ELFN2: variants seen among roughly 807,000 people sequenced by gnomAD.
ELFN2 encodes the protein extracellular leucine rich repeat and fibronectin type III domain containing 2.
In ELFN2, 17 loss-of-function variants were observed where a neutral mutation model predicts 45.5. That is an observed-to-expected ratio of 0.37 (90% CI 0.26 to 0.56). The LOEUF (loss-of-function observed/expected upper bound fraction) is 0.56. ELFN2 is among the 20% of genes least tolerant of loss of function. The pLI, the probability that ELFN2 is intolerant of heterozygous loss-of-function variation, is 0.77. For synonymous variants in ELFN2, 550 were observed against 551.5 expected, an observed-to-expected ratio of 1.00 and a Z score of 0.04; for missense variants, 922 against 1,183.2, an observed-to-expected ratio of 0.78 and a Z score of 3.24.
Position 37,375,624 on chromosome 22 carries a change from C to CGCCACCATCTTGGGGGCG in ELFN2, c.-108_-91dup. ...CTGGCAGTACAGTCCTCCCTGGGGCCGCCACCATCTTGGGGGCGACCCCCA... is the reference window on the plus strand; with the variant it reads ...CTGGCAGTACAGTCCTCCCTGGGGCCGCCACCATCTTGGGGGCGGCCACCATCTTGGGGGCGACCCCCA... On this transcript the variant is annotated 5_prime_UTR_variant, in exon 3 of 3. In the 5' UTR this introduces an upstream ATG that the reference lacks. Coordinates refer to ENST00000402918, the MANE Select transcript of ELFN2 (RefSeq NM_052906.5). 2 of 1,424,306 alleles carry CGCCACCATCTTGGGGGCG rather than the reference C, an allele frequency of 1.4e-6. No homozygotes were observed. The highest frequency in any genetic ancestry group is 1.9e-6 in the Non-Finnish European group (2 of 1,076,734). 88.2% of individuals were successfully genotyped at this position (1,424,306 alleles called of 1,614,324 possible).
intron 2 of ELFN2, among the ~76,000 whole-genome samples, chr22:37,387,984 T>C (rs547475340): frequency 1.3e-5 from 2 of 151,678 alleles, no homozygotes; most frequent in Admixed American, 1.3e-4. Flanking sequence ...CTCTCCCAGT[T>C]CCCAGACACA....
intron 1 of ELFN2, among the ~76,000 whole-genome samples, chr22:37,423,528 G>A (rs1932826056): frequency 1.3e-5 from 2 of 152,164 alleles, no homozygotes; most frequent in Admixed American, 1.3e-4. Context: ...GGACTGGTCT[G>A]TAACCTCTCT....
intron 2 of ELFN2, among the ~76,000 whole-genome samples, chr22:37,382,969 G>A (rs929188689): frequency 1.3e-5 from 2 of 152,138 alleles, no homozygotes; most frequent in African/African-American, 2.4e-5. Flanking sequence ...CACTAGGGAC[G>A]AGGCCAGTAC....
intron 2 of ELFN2, among the ~76,000 whole-genome samples, chr22:37,414,457 T>C (rs1461270059): frequency 2.0e-5 from 3 of 152,204 alleles, no homozygotes; most frequent in Admixed American, 2.0e-4. Flanking sequence ...GGAAAATGCC[T>C]GGCACATAGC....
intron 2 of ELFN2, among the ~76,000 whole-genome samples, chr22:37,377,433 C>CCT (rs1931611679): frequency 6.6e-6 from 1 of 152,224 alleles, no homozygotes; most frequent in Non-Finnish European, 1.5e-5. Flanking sequence ...GCCACCTCTG[C>CCT]CTCTCTCTCC....
chr22:37,421,593 C>T (rs1932809339), intron 1 of ELFN2, among the ~76,000 whole-genome samples: 1 of 152,200 alleles, frequency 6.6e-6, no homozygotes, highest in Admixed American at 6.5e-5. Context: ...TGAGCTCTGC[C>T]AGGCAGGGGC....
intron 1 of ELFN2, among the ~76,000 whole-genome samples, chr22:37,426,239 C>T (rs989925311): frequency 2.0e-5 from 3 of 152,214 alleles, no homozygotes; most frequent in Non-Finnish European, 4.4e-5. Flanking sequence ...GCTGAGTGCA[C>T]GGTCAGCACC....
chr22:37,350,866 C>A (rs1293379527), intron 1 of ELFN2, among the ~76,000 whole-genome samples: 1 of 150,150 alleles, frequency 6.7e-6, no homozygotes, highest in Non-Finnish European at 1.5e-5. Flanking sequence ...CTCGGAGGGG[C>A]CCTCCCCTCT....
At chr22:37,405,043 C>T (rs1180513805) in intron 2 of ELFN2, among the ~76,000 whole-genome samples, 4 of 151,514 alleles carry the variant, frequency 2.6e-5, no homozygotes, top group African/African-American at 9.7e-5. Flanking sequence ...CCCCTACTTA[C>T]CAACTGTGGA....
At chr22:37,352,201 T>A (rs1353831533) in intron 1 of ELFN2, 1 of 151,120 alleles carries the variant, frequency 6.6e-6, no homozygotes, top group African/African-American at 2.4e-5. Context: ...TTTCTTTCGT[T>A]ATTATTAATT....
chr22:37,395,233 G>A (rs907555656), intron 2 of ELFN2, among the ~76,000 whole-genome samples: 3 of 152,208 alleles, frequency 2.0e-5, no homozygotes, highest in African/African-American at 7.2e-5. Context: ...GGTAAGTGGT[G>A]AGGCTGGGAT....
At chr22:37,411,799 C>T (rs1023409386) in intron 2 of ELFN2, among the ~76,000 whole-genome samples, 5 of 152,146 alleles carry the variant, frequency 3.3e-5, no homozygotes, top group African/African-American at 1.2e-4. Context: ...TTCACTCCAT[C>T]CCCTCCAGGA....
intron 1 of ELFN2, among the ~76,000 whole-genome samples, chr22:37,359,725 C>A (rs1489133106): frequency 6.6e-6 from 1 of 152,186 alleles, no homozygotes; most frequent in African/African-American, 2.4e-5. Context: ...GCAGGGCAGA[C>A]GAGCCCCAGA....
At chr22:37,361,761 A>T (rs1696124789) in intron 1 of ELFN2, among the ~76,000 whole-genome samples, 1 of 152,182 alleles carries the variant, frequency 6.6e-6, no homozygotes, top group Admixed American at 6.5e-5. Flanking sequence ...CTGTTAGAAT[A>T]TCCTCCTGCC....
At chr22:37,402,147 AG>A (rs1932379526) in intron 2 of ELFN2, among the ~76,000 whole-genome samples, 1 of 152,238 alleles carries the variant, frequency 6.6e-6, no homozygotes, top group African/African-American at 2.4e-5. Flanking sequence ...GGATCAGAGG[AG>A]ATAATCCAAG....
chr22:37,373,647 T>C lies in ELFN2; in HGVS notation c.1888A>G (p.Ser630Gly), dbSNP rs765016780. 7.5e-6 allele frequency: 12 copies of C among 1,591,286 alleles called. No homozygotes were observed. The highest frequency in any genetic ancestry group is 1.0e-5 in the Non-Finnish European group (12 of 1,169,528). The change falls in exon 3 of 3, where the codon AGC (serine) becomes GGC (glycine). Residue 630 changes from serine (S) to glycine (G), a missense_variant. Ser to Gly is a moderately conservative substitution (Grantham distance 56). Coordinates refer to ENST00000402918, the MANE Select transcript of ELFN2 (RefSeq NM_052906.5). ...ADAAVTRKTC[S>G]VSSSGSIKSA... is the part of the protein sequence containing the mutation. The stretch of plus-strand genomic sequence containing the variant: ...TTGATGGAACCACTGGACGACACGC[T>C]GCAGGTCTTGCGGGTCACGGCCGCG...
Position 37,374,748 on chromosome 22 carries a change from T to G in ELFN2, c.787A>C (p.Thr263Pro), listed in dbSNP as rs775970688. ...TCGTCTGGCTCCCTCTGGGCGTCGG[T>G]GGAGTAGGGCGTGGGGTGGCTCACG... ...RPVSHPTPYSTDAQREPDENS... is the reference protein window; with the variant it reads ...RPVSHPTPYSPDAQREPDENS... The change falls in exon 3 of 3, where the codon ACC (threonine) becomes CCC (proline). Residue 263 changes from threonine to proline, a missense_variant. Coordinates refer to ENST00000402918, the MANE Select transcript of ELFN2 (RefSeq NM_052906.5). 1.2e-5 allele frequency: 20 copies of G among 1,610,342 alleles called. No homozygotes were observed. The Middle Eastern group carries it at 6.6e-4, about 53-fold the overall frequency.
At chr22:37,382,798 C>T (rs1161716734) in intron 2 of ELFN2, among the ~76,000 whole-genome samples, 34 of 152,164 alleles carry the variant, frequency 2.2e-4, no homozygotes, top group Non-Finnish European at 7.3e-5. Flanking sequence ...GCGATCCACC[C>T]GCCCACGACT....
intron 2 of ELFN2, among the ~76,000 whole-genome samples, chr22:37,380,192 AG>A (rs1206532539): frequency 6.6e-6 from 1 of 152,096 alleles, no homozygotes; most frequent in African/African-American, 2.4e-5. Context: ...GGAGGGGTTG[AG>A]GGGGGTTGGG....
Sources: allele counts gnomAD v4.1 joint callset (sites outside exome capture counted in the v4.1 genomes callset), GRCh38; gene constraint gnomAD v4.1.1; transcripts MANE v1.5; gene names NCBI Gene and HGNC (gene_info 2026-07-23, HGNC 2026-07-21).